Variants in PI4KA observed in about 807,000 individuals in gnomAD.
PI4KA encodes the protein PI4-kinase alpha.
Under a neutral mutation model 271.4 loss-of-function variants are expected in PI4KA, and 122 were observed. The ratio of observed to expected loss-of-function variants is 0.45; its 90% confidence interval spans 0.39 to 0.52. The LOEUF is 0.52. Ranked by LOEUF, PI4KA falls within the 20% of genes least tolerant of loss-of-function variation. PI4KA has a pLI of 0.00. For missense variants in PI4KA, 1,969 were observed against 2,769.1 expected (o/e 0.71, Z 6.48); for synonymous variants, 1,041 against 1,078.8 (o/e 0.96, Z 0.69).
Position 20,714,671 on chromosome 22 carries a change from T to C in PI4KA, c.5347A>G (p.Ile1783Val), listed in dbSNP as rs2147179758. ...GACTTGTAGTCGATGTCCAGCACAA[T>C]GGCCTCAGGGTTGCTGGGCAGGTAG... ...GCYLPSNPEA[I>V]VLDIDYKSGT... The change falls in exon 46 of 55, where the codon ATT becomes GTT. Residue 1783 changes from isoleucine to valine, a missense_variant. Coordinates refer to ENST00000255882, the MANE Select transcript of PI4KA (RefSeq NM_058004.4). 1.9e-6 allele frequency: 3 copies of C among 1,613,956 alleles called. No homozygotes were observed. Among genetic ancestry groups the C allele is most frequent in the Non-Finnish European group, 2.5e-6 (3 of 1,179,846 alleles).
intron 45 of PI4KA, among the ~76,000 whole-genome samples, chr22:20,715,268 A>C (rs1409144945): frequency 6.6e-6 from 1 of 151,470 alleles, no homozygotes; most frequent in Non-Finnish European, 1.5e-5. Flanking sequence ...ATGGGGTTTC[A>C]CCATGTTGGC....
chr22:20,738,921 G>A (rs1406653533), intron 32 of PI4KA, among the ~76,000 whole-genome samples: 5 of 151,850 alleles, frequency 3.3e-5, no homozygotes, highest in South Asian at 2.1e-4. Context: ...AAGACATCTC[G>A]GACAGGCGCG....
chr22:20,730,574 CTA>C (rs1927911144), intron 36 of PI4KA, among the ~76,000 whole-genome samples: 1 of 148,442 alleles, frequency 6.7e-6, no homozygotes. Flanking sequence ...TGTGCCCAGC[CTA>C]TGTTTTATTT....
At chr22:20,857,489 C>G (rs1927743377) in intron 1 of PI4KA, among the ~76,000 whole-genome samples, 1 of 152,220 alleles carries the variant, frequency 6.6e-6, no homozygotes, top group Non-Finnish European at 1.5e-5. Context: ...AGGCTGGTCT[C>G]CGGTCACCAC....
rs146045726 is a variant in PI4KA at position 20,774,883 on chromosome 22, T to TACAC, written c.2329-9194_2329-9191dup. The stretch of plus-strand genomic sequence containing the variant: ...ATGCCTGTGAGAACACACACGTACG[T>TACAC]ACACACACACACAGATAATGACAGG... On this transcript the variant is annotated intron_variant, in intron 19 of 54. Transcript: ENST00000255882. Among the ~76,000 whole-genome samples the TACAC allele has an allele frequency of 2.6e-5, 4 of 151,680 alleles. No individual in the cohort carries two copies. In the East Asian group the frequency reaches 5.8e-4, roughly 22 times the overall value.
intron 19 of PI4KA, among the ~76,000 whole-genome samples, chr22:20,784,741 C>A (rs1157845127): frequency 6.6e-6 from 1 of 152,108 alleles, no homozygotes; most frequent in African/African-American, 2.4e-5. Flanking sequence ...TATTATTATT[C>A]GTTACTTTGT....
In PI4KA at chr22:20,782,826, G is replaced by A. The variant is rs189010679; in HGVS notation, c.2328+10367C>T. Reference sequence around the variant, plus strand: ...ATGTGGCCCAAATGTCAAAAATGCTGAGGTTGAGAAACCCTGGGTGAGGCA... The same window carrying A: ...ATGTGGCCCAAATGTCAAAAATGCTAAGGTTGAGAAACCCTGGGTGAGGCA... On this transcript the variant is annotated intron_variant, in intron 19 of 54. Coordinates refer to ENST00000255882, the MANE Select transcript of PI4KA (RefSeq NM_058004.4). 2.2e-3 allele frequency among the ~76,000 whole-genome samples: 331 copies of A among 152,250 alleles called. 1 individual carries two copies. The highest frequency in any genetic ancestry group is 7.9e-3 in the African/African-American group (329 of 41,554).
chr22:20,763,660 G>C (rs888255269), intron 22 of PI4KA, among the ~76,000 whole-genome samples: 5 of 152,060 alleles, frequency 3.3e-5, no homozygotes, highest in Admixed American at 3.3e-4. Context: ...GGCTGGTCTC[G>C]AACTACTGGC....
At chr22:20,738,218 C>T (rs1232099728) in intron 32 of PI4KA, among the ~76,000 whole-genome samples, 8 of 152,110 alleles carry the variant, frequency 5.3e-5, no homozygotes, top group Non-Finnish European at 1.2e-4. Context: ...CGGGTCCCTC[C>T]TGAGCCCACA....
At chr22:20,834,864 C>A (rs1158901896) in intron 2 of PI4KA, among the ~76,000 whole-genome samples, 2 of 152,216 alleles carry the variant, frequency 1.3e-5, no homozygotes, top group Non-Finnish European at 2.9e-5. Flanking sequence ...TCCTATCAAC[C>A]TGTACCACAG....
rs144293047 is a variant in PI4KA at position 20,820,596 on chromosome 22, A to G, written c.472T>C (p.Leu158=). ...SLRDEILEVL[L]QVLHVLLGMC... ...CCCAAGAGGACATGCAAAACCTGCA[A>G]AAGCACCTCTAAAATCTGTAACAGT... Residue 158 remains leucine (L), a synonymous_variant, in exon 5 of 55, where the codon TTG becomes CTG. Coordinates refer to ENST00000255882, the MANE Select transcript of PI4KA (RefSeq NM_058004.4). 7.5e-5 allele frequency: 121 copies of G among 1,610,444 alleles called. No individual in the cohort carries two copies. Among genetic ancestry groups the G allele is most frequent in the Non-Finnish European group, 9.6e-5 (113 of 1,177,486 alleles).
Position 20,805,147 on chromosome 22 carries a change from A to G in PI4KA, c.1187T>C (p.Val396Ala). 6.2e-7 allele frequency: 1 copy of G among 1,613,790 alleles called. No individual in the cohort carries two copies. Among genetic ancestry groups the G allele is most frequent in the Non-Finnish European group, 8.5e-7 (1 of 1,179,824 alleles). ...YYMKDLPTSF[V>A]KEIHDFVLEQ... Reference sequence around the variant, plus strand: ...CAGCACAAAATCATGGATCTCCTTCACAAAAGAGGTCGGGAGGTCTGTAGG... The same window carrying G: ...CAGCACAAAATCATGGATCTCCTTCGCAAAAGAGGTCGGGAGGTCTGTAGG... The change falls in exon 11 of 55, where the codon GTG becomes GCG. Residue 396 changes from valine (V) to alanine (A), a missense_variant. Coordinates refer to ENST00000255882, the MANE Select transcript of PI4KA (RefSeq NM_058004.4).
chr22:20,857,759 G>A (rs1927783059), intron 1 of PI4KA, among the ~76,000 whole-genome samples: 2 of 152,112 alleles, frequency 1.3e-5, no homozygotes, highest in South Asian at 4.1e-4. Flanking sequence ...TACCCAAGAG[G>A]ACATGGTAAG....
intron 12 of PI4KA, 132 bp downstream of exon 12, chr22:20,804,168 T>C (rs1193984989): frequency 4.7e-5 from 31 of 664,144 alleles, no homozygotes; most frequent in Non-Finnish European, 7.7e-5. Context: ...ACGCACTGGT[T>C]AAAGCTCCTA....
At position 20,733,011 on chromosome 22, in the gene PI4KA, T is replaced by C. The variant is rs141355385; in HGVS notation, c.4248A>G (p.Ser1416=). ...IMIKFWTAMF[S]DKKYLTASQL... Reference sequence around the variant, plus strand: ...GGCTGGCGGTCAGGTACTTCTTATCTGAGAACATGGCGGTCCAAAATTTAA... The same window carrying C: ...GGCTGGCGGTCAGGTACTTCTTATCCGAGAACATGGCGGTCCAAAATTTAA... The change falls in exon 36 of 55, where the codon TCA becomes TCG. Residue 1416 remains serine, a synonymous_variant. Coordinates refer to ENST00000255882, the MANE Select transcript of PI4KA (RefSeq NM_058004.4). The C allele has an allele frequency of 1.2e-5, 19 of 1,610,582 alleles. No individual in the cohort carries two copies. Among genetic ancestry groups the C allele is most frequent in the Non-Finnish European group, 1.6e-5 (19 of 1,178,712 alleles).
chr22:20,746,834 C>T (rs1049234590), intron 29 of PI4KA, among the ~76,000 whole-genome samples: 4 of 152,230 alleles, frequency 2.6e-5, no homozygotes, highest in Non-Finnish European at 5.9e-5. Flanking sequence ...TTCTCTGGCA[C>T]ATCCTCAGGC....
chr22:20,772,625 C>T (rs1170405068), intron 19 of PI4KA, among the ~76,000 whole-genome samples: 1 of 152,184 alleles, frequency 6.6e-6, no homozygotes, highest in African/African-American at 2.4e-5. Context: ...GCCCCTTGCA[C>T]ACCCGCAGAT....
intron 50 of PI4KA, 113 bp downstream of exon 50, chr22:20,712,373 C>T (rs2147170540): frequency 1.5e-5 from 23 of 1,551,934 alleles, no homozygotes; most frequent in African/African-American, 8.2e-5. Flanking sequence ...CTGGTTTTAA[C>T]CCTTAACAAA....
intron 30 of PI4KA, among the ~76,000 whole-genome samples, chr22:20,743,674 T>A (rs555103140): frequency 6.6e-6 from 1 of 152,116 alleles, no homozygotes; most frequent in East Asian, 1.9e-4. Flanking sequence ...GAGAAGAACA[T>A]ACAAGTGACA....
Sources: allele counts gnomAD v4.1 joint callset (sites outside exome capture counted in the v4.1 genomes callset), GRCh38; gene constraint gnomAD v4.1.1; transcripts MANE v1.5; gene names NCBI Gene and HGNC (gene_info 2026-07-23, HGNC 2026-07-21).